The following CHRDL1 variants were observed in gnomAD, a reference collection of about 807,000 sequenced individuals.
CHRDL1 encodes chordin like 1.
In CHRDL1, 19 loss-of-function variants were observed where a neutral mutation model predicts 40.9. The observed-to-expected ratio is 0.46, with a 90% CI of 0.32 to 0.68. The LOEUF is 0.68. Ranked by LOEUF, CHRDL1 falls within the 30% of genes least tolerant of loss-of-function variation. The pLI is 0.03. For synonymous variants in CHRDL1, 136 were observed against 123.4 expected, an observed-to-expected ratio of 1.10 and a Z score of -0.68; for missense variants, 329 against 352.1, an observed-to-expected ratio of 0.93 and a Z score of 0.53.
intron 6 of CHRDL1, among the ~76,000 whole-genome samples, chrX:110,717,119 A>G (rs1603185338): frequency 1.8e-5 from 2 of 111,790 alleles, no homozygotes; most frequent in African/African-American, 6.5e-5. Flanking sequence ...ATGGTTTCTC[A>G]AAGTGACAGT....
At chrX:110,794,224 C>G (rs751202198) in intron 1 of CHRDL1, among the ~76,000 whole-genome samples, 1 of 111,889 alleles carries the variant, frequency 8.9e-6, no homozygotes, top group Admixed American at 9.5e-5. Flanking sequence ...CATTGCTCAG[C>G]GAACTTAGCC....
At chrX:110,789,247 T>C (rs953880135) in intron 2 of CHRDL1, among the ~76,000 whole-genome samples, 3 of 111,740 alleles carry the variant, frequency 2.7e-5, no homozygotes, top group Non-Finnish European at 5.7e-5. Context: ...AACTTACAGA[T>C]TATTTCTCCT....
chrX:110,720,147 C>A (rs1407943514), intron 5 of CHRDL1, among the ~76,000 whole-genome samples: 1 of 111,181 alleles, frequency 9.0e-6, no homozygotes, highest in Non-Finnish European at 1.9e-5. Context: ...AGTTAGCAAT[C>A]CTAGTCGAGC....
intron 11 of CHRDL1, among the ~76,000 whole-genome samples, chrX:110,678,668 A>C (rs747772752): frequency 1.8e-5 from 2 of 111,488 alleles, no homozygotes; most frequent in Non-Finnish European, 3.8e-5. Flanking sequence ...GAACTATACT[A>C]ATTCATACTG....
intron 4 of CHRDL1, among the ~76,000 whole-genome samples, chrX:110,748,865 T>C (rs1194508400): frequency 8.9e-6 from 1 of 111,948 alleles, no homozygotes; most frequent in Admixed American, 9.5e-5. Flanking sequence ...GAGATGAAAA[T>C]GTTCTGGAGA....
At chrX:110,713,396 CAA>C (rs1215311694) in intron 6 of CHRDL1, among the ~76,000 whole-genome samples, 1 of 112,002 alleles carries the variant, frequency 8.9e-6, no homozygotes, top group African/African-American at 3.3e-5. Context: ...CATTTACACT[CAA>C]GACACTTTAA....
At chrX:110,735,646 C>A (rs1003544257) in intron 4 of CHRDL1, among the ~76,000 whole-genome samples, 2 of 111,936 alleles carry the variant, frequency 1.8e-5, no homozygotes, top group African/African-American at 6.5e-5. Flanking sequence ...AGAAAATGCT[C>A]CCCTGTGAAA....
chrX:110,762,715 C>T lies in CHRDL1; in HGVS notation c.187G>A (p.Val63Met), dbSNP rs190390240. 120 of 1,163,463 alleles carry T rather than the reference C, an allele frequency of 1.0e-4. No homozygotes were observed. The African/African-American group carries it at 1.9e-3, about 18-fold the overall frequency. Residue 63 changes from valine to methionine, a missense_variant, in exon 3 of 12, where the codon GTG becomes ATG. By Grantham distance (21) the Val-to-Met change is conservative. Transcript: ENST00000372042. ...YLEPYGLVYCVNCICSENGNV... is the reference protein window; with the variant it reads ...YLEPYGLVYCMNCICSENGNV... The stretch of plus-strand genomic sequence containing the variant: ...TGTACCTCTGAGCAGATGCAGTTCA[C>T]GCAGTAAACCAACCCATAAGGTTCC...
intron 2 of CHRDL1, among the ~76,000 whole-genome samples, chrX:110,767,606 TAAAATAAAATA>T (rs2089682976): frequency 1.0e-5 from 1 of 96,075 alleles, no homozygotes; most frequent in Admixed American, 1.1e-4. Flanking sequence ...TGCAATAAAA[TAAAATAAAATA>T]AAATAAAATA....
intron 2 of CHRDL1, among the ~76,000 whole-genome samples, chrX:110,771,291 C>T (rs1048992810): frequency 8.9e-6 from 1 of 111,760 alleles, no homozygotes; most frequent in Non-Finnish European, 1.9e-5. Flanking sequence ...CCAAACCCTT[C>T]CAGAAAACTG....
chrX:110,699,254 G>A (rs755144084), intron 7 of CHRDL1, among the ~76,000 whole-genome samples: 1 of 111,779 alleles, frequency 8.9e-6, no homozygotes, highest in African/African-American at 3.3e-5. Context: ...TGGGTTGGGT[G>A]TTGGCAAGCT....
At chrX:110,722,857 A>G (rs1278297589) in intron 4 of CHRDL1, among the ~76,000 whole-genome samples, 1 of 111,681 alleles carries the variant, frequency 9.0e-6, no homozygotes, top group African/African-American at 3.3e-5. Flanking sequence ...GGAGAGGCTT[A>G]GAGAGTTGAA....
rs898698529 is a variant in CHRDL1, at chrX:110,681,488, G to A, written c.1150C>T (p.Arg384Ter). The A allele has an allele frequency of 3.3e-6, 4 of 1,205,023 alleles. No homozygotes were observed. The highest frequency in any genetic ancestry group is 1.8e-5 in the African/African-American group (1 of 57,009). The change falls in exon 10 of 12, where the codon CGA becomes TGA. Residue 384 changes from arginine (R) to a stop codon, truncating the protein, a stop_gained. Transcript: ENST00000372042. LOFTEE classifies it high-confidence loss of function. ...TTAATGTTGTCTTGCTCACCCTTTC[G>A]AATAGTCCAAACGTGGACCTCTACC... is the stretch of plus-strand genomic sequence containing the variant. ...PQVEVHVWTI[R>*]KGILQHFHIE...
intron 2 of CHRDL1, among the ~76,000 whole-genome samples, chrX:110,777,738 T>C (rs977546383): frequency 9.8e-5 from 11 of 112,013 alleles, no homozygotes; most frequent in African/African-American, 3.2e-4. Context: ...GAGTTCTTTG[T>C]ATATTTTGGA....
intron 8 of CHRDL1, among the ~76,000 whole-genome samples, chrX:110,692,115 G>A (rs1569463256): frequency 9.0e-6 from 1 of 111,469 alleles, no homozygotes; most frequent in East Asian, 2.8e-4. Flanking sequence ...AGCAAGAGAT[G>A]TAAGGAAAAG....
chrX:110,792,021 C>A, intron 2 of CHRDL1, 67 bp downstream of exon 2: 1 of 669,442 alleles, frequency 1.5e-6, no homozygotes. Flanking sequence ...ATAATTGCTA[C>A]AGATTATAGC....
chrX:110,709,281 T>G (rs1040214688), intron 6 of CHRDL1, among the ~76,000 whole-genome samples: 3 of 112,371 alleles, frequency 2.7e-5, no homozygotes, highest in African/African-American at 9.7e-5. Context: ...TTTTTCCTCC[T>G]TCTCCTCAAG....
chrX:110,705,285 A>C (rs1158989635), intron 6 of CHRDL1, among the ~76,000 whole-genome samples: 1 of 84,483 alleles, frequency 1.2e-5, no homozygotes, highest in African/African-American at 5.7e-5. Context: ...TGGAGACTAT[A>C]TATATATATA....
rs759261934 is a variant in CHRDL1 at position 110,773,504 on chromosome X, G to A, written c.95-10697C>T. Among the ~76,000 whole-genome samples the A allele has an allele frequency of 1.2e-4, 13 of 110,446 alleles. No homozygotes were observed. In the East Asian group the frequency reaches 2.5e-3, roughly 22 times the overall value. ...AGCACTTTGGGAGGCCGAGGCGGGC[G>A]AATCACGAGTTAAGGAGATCTAGAC... On this transcript the variant is annotated intron_variant, in intron 2 of 11. Coordinates refer to ENST00000372042, the MANE Select transcript of CHRDL1 (RefSeq NM_001143981.2).
Sources: gnomAD v4.1 joint callset for allele counts (sites outside exome capture counted in the v4.1 genomes callset) on GRCh38, gnomAD v4.1.1 for gene constraint, MANE v1.5 for transcripts, NCBI Gene and HGNC (gene_info 2026-07-23, HGNC 2026-07-21) for gene names.